PPM1H: variants seen among roughly 807,000 people sequenced by gnomAD.
The protein encoded by PPM1H is protein phosphatase 1H.
A neutral mutation model predicts 54.9 loss-of-function variants in PPM1H; 27 were observed. That is an observed-to-expected ratio of 0.49 (90% confidence interval 0.36 to 0.68). The LOEUF (loss-of-function observed/expected upper bound fraction) is 0.68, where lower values mean the gene tolerates loss of function less well. PPM1H is among the 30% of genes least tolerant of loss of function. The pLI, the probability that PPM1H is intolerant of heterozygous loss-of-function variation, is 0.00. For synonymous variants in PPM1H, 305 were observed against 270.8 expected, an observed-to-expected ratio of 1.13 and a Z score of -1.24; for missense variants, 596 against 667.8, an observed-to-expected ratio of 0.89 and a Z score of 1.19.
intron 3 of PPM1H, among the ~76,000 whole-genome samples, chr12:62,794,312 T>C (rs1257270738): frequency 2.6e-5 from 4 of 152,236 alleles, no homozygotes; most frequent in Admixed American, 6.5e-5. Flanking sequence ...AAAACACTAA[T>C]TTATTTATTA....
At chr12:62,658,365 CA>C (rs2075859595) in intron 9 of PPM1H, among the ~76,000 whole-genome samples, 1 of 151,954 alleles carries the variant, frequency 6.6e-6, no homozygotes, top group Non-Finnish European at 1.5e-5. Flanking sequence ...TGGCTTTGCC[CA>C]CTCCCTTCCC....
rs938880060 is a variant in PPM1H at position 62,934,599 on chromosome 12, G to A, written c.138C>T (p.Phe46=). 1.9e-6 allele frequency: 3 copies of A among 1,574,740 alleles called. No homozygotes were observed. The highest frequency in any genetic ancestry group is 2.7e-5 in the African/African-American group (2 of 74,084). Residue 46 remains phenylalanine (F), a synonymous_variant, in exon 1 of 10, where the codon TTC becomes TTT. Coordinates refer to ENST00000228705, the MANE Select transcript of PPM1H (RefSeq NM_020700.2). This position sits in a 1 kb window ranked among gnomAD's most constrained non-coding sequence, Gnocchi z 4.2. ...CCACCTCGTCCTGAGACAGCCCCAG[G>A]AACTCTGGCCGCCCGTAGGGGAAAC... ...PLRFPYGRPE[F]LGLSQDEVEC...
chr12:62,838,130 C>A (rs12310765), intron 1 of PPM1H, among the ~76,000 whole-genome samples: 1 of 152,078 alleles, frequency 6.6e-6, no homozygotes, highest in Admixed American at 6.5e-5. Flanking sequence ...AGAGAATCTT[C>A]TTTTGTGGTT....
chr12:62,875,497 A>G (rs746800858), intron 1 of PPM1H, among the ~76,000 whole-genome samples: 10 of 152,252 alleles, frequency 6.6e-5, no homozygotes, highest in Non-Finnish European at 1.3e-4. Context: ...GAATGAACTG[A>G]GGATTACAGA....
chr12:62,771,708 A>G (rs941864429), intron 4 of PPM1H, among the ~76,000 whole-genome samples: 7 of 152,224 alleles, frequency 4.6e-5, no homozygotes, highest in African/African-American at 1.7e-4. Flanking sequence ...GGTGCTTTCC[A>G]TAAGGCAGGC....
At chr12:62,861,984 CCAAATAATGCTTATGTG>C (rs1277961673) in intron 1 of PPM1H, among the ~76,000 whole-genome samples, 2 of 152,178 alleles carry the variant, frequency 1.3e-5, no homozygotes, top group African/African-American at 2.4e-5. Context: ...CTGGCCCAAA[CCAAATAATGCTTATGTG>C]CAAATAATGC....
chr12:62,839,884 A>AAAAAAAAAAAAAAAAAAAAAAC (rs1555200469), intron 1 of PPM1H, among the ~76,000 whole-genome samples: 1 of 150,170 alleles, frequency 6.7e-6, no homozygotes, highest in African/African-American at 2.5e-5. Context: ...CAAAAAAAAA[A>AAAAAAAAAAAAAAAAAAAAAAC]AAAAAACACC....
At chr12:62,701,775 T>C (rs2076145354) in intron 6 of PPM1H, among the ~76,000 whole-genome samples, 1 of 152,142 alleles carries the variant, frequency 6.6e-6, no homozygotes, top group Non-Finnish European at 1.5e-5. Flanking sequence ...GGACATCACT[T>C]GGAAAGGCCT....
chr12:62,886,258 C>A (rs1241266468), intron 1 of PPM1H, among the ~76,000 whole-genome samples: 1 of 152,192 alleles, frequency 6.6e-6, no homozygotes, highest in Non-Finnish European at 1.5e-5. Flanking sequence ...TGTGCACACA[C>A]AGTCTCTATA....
intron 5 of PPM1H, among the ~76,000 whole-genome samples, chr12:62,727,061 C>A (rs925144038): frequency 4.6e-5 from 7 of 151,898 alleles, no homozygotes; most frequent in African/African-American, 1.7e-4. Context: ...ATTACAGGCG[C>A]CCGCTACCAT....
At chr12:62,792,482 G>A (rs1418708707) in intron 3 of PPM1H, among the ~76,000 whole-genome samples, 1 of 152,156 alleles carries the variant, frequency 6.6e-6, no homozygotes, top group Non-Finnish European at 1.5e-5. Flanking sequence ...ATGTGCATGC[G>A]TTTGCCACTT....
intron 1 of PPM1H, among the ~76,000 whole-genome samples, chr12:62,924,186 T>C (rs1871893656): frequency 6.6e-6 from 1 of 152,130 alleles, no homozygotes; most frequent in African/African-American, 2.4e-5. Context: ...ATGACCCCAT[T>C]TTGTAAGACG....
At chr12:62,870,237 A>G (rs1216509925) in intron 1 of PPM1H, among the ~76,000 whole-genome samples, 1 of 152,204 alleles carries the variant, frequency 6.6e-6, no homozygotes, top group South Asian at 2.1e-4. Context: ...TCCAGAGAAG[A>G]ATCTAATCTT....
At chr12:62,884,501 C>CAAA (rs6144736) in intron 1 of PPM1H, among the ~76,000 whole-genome samples, 1,252 of 89,936 alleles carry the variant, frequency 0.014, 40 homozygotes, top group African/African-American at 0.047. Flanking sequence ...AACTCCATAT[C>CAAA]AAAAAAAAAA....
At chr12:62,706,882 G>A (rs566640305) in intron 6 of PPM1H, among the ~76,000 whole-genome samples, 11 of 152,216 alleles carry the variant, frequency 7.2e-5, no homozygotes, top group Non-Finnish European at 1.0e-4. Flanking sequence ...ATGGTCAGTC[G>A]CATAGAAGTT....
chr12:62,781,543 T>A (rs1234435830), intron 4 of PPM1H, among the ~76,000 whole-genome samples: 5 of 152,128 alleles, frequency 3.3e-5, no homozygotes, highest in Non-Finnish European at 5.9e-5. Context: ...GACTTTAGAG[T>A]GGTGATTCTT....
intron 1 of PPM1H, among the ~76,000 whole-genome samples, chr12:62,918,946 CCTGA>C (rs1871706805): frequency 1.3e-5 from 2 of 152,164 alleles, no homozygotes; most frequent in Admixed American, 1.3e-4. Flanking sequence ...GTTCTAAGTT[CCTGA>C]CTAACCAATG....
Position 62,645,611 on chromosome 12 carries a change from T to A in PPM1H, c.*2878A>T, listed in dbSNP as rs2075780235. 1 of 152,028 alleles carries A rather than the reference T, an allele frequency of 6.6e-6. No homozygotes were observed. Among genetic ancestry groups the A allele is most frequent in the Non-Finnish European group, 1.5e-5 (1 of 68,024 alleles). 9.4% of individuals were successfully genotyped at this position (152,028 alleles called of 1,614,324 possible). A position where few individuals can be genotyped will look rare whatever the true frequency, so the allele number is the denominator to read the frequency against. ...TGCCACAGAGCATGGACGGACTGAG[T>A]TTGTTCTAAGGAAAGGAGTTTCACC... On this transcript the variant is annotated 3_prime_UTR_variant, in exon 10 of 10. Coordinates refer to ENST00000228705, the MANE Select transcript of PPM1H (RefSeq NM_020700.2).
intron 1 of PPM1H, among the ~76,000 whole-genome samples, chr12:62,875,545 C>T (rs1280065381): frequency 6.6e-6 from 1 of 152,164 alleles, no homozygotes; most frequent in Non-Finnish European, 1.5e-5. Flanking sequence ...TAGGAATGGG[C>T]TCGTTAAAAT....
Sources: allele counts gnomAD v4.1 joint callset (sites outside exome capture counted in the v4.1 genomes callset), GRCh38; gene constraint gnomAD v4.1.1; non-coding constraint Gnocchi (gnomAD v3.1); transcripts MANE v1.5; gene names NCBI Gene and HGNC (gene_info 2026-07-23, HGNC 2026-07-21).